The following PDXDC1 variants were observed in gnomAD, a reference collection of about 807,000 sequenced individuals.
PDXDC1 encodes pyridoxal-dependent decarboxylase domain-containing protein 1.
Under a neutral mutation model 100.1 loss-of-function variants are expected in PDXDC1, and 42 were observed. The ratio of observed to expected loss-of-function variants is 0.42; its 90% CI spans 0.33 to 0.54. The LOEUF (loss-of-function observed/expected upper bound fraction) is 0.54, where lower values mean the gene tolerates loss of function less well. Among genes scored for constraint, PDXDC1 ranks in the 20% least tolerant of loss-of-function variants. The probability of loss-of-function intolerance (pLI) is 0.10; values close to 1 mark genes in which losing one functional copy is unlikely to be tolerated. For missense variants in PDXDC1, 636 were observed against 979.2 expected (o/e 0.65, Z 4.68); for synonymous variants, 260 against 371.7 (o/e 0.70, Z 3.46).
chr16:15,074,911 T>G, intron 16 of PDXDC1: 7 of 1,538,084 alleles, frequency 4.6e-6, no homozygotes, highest in Non-Finnish European at 6.2e-6. Flanking sequence ...AATGTCAAAG[T>G]GGTTTAGTAG....
intron 6 of PDXDC1, among the ~76,000 whole-genome samples, chr16:15,007,032 T>A (rs949386662): frequency 6.6e-6 from 1 of 152,290 alleles, no homozygotes; most frequent in African/African-American, 2.4e-5. Context: ...TTTCAGGTAA[T>A]GTTCTTTGTG....
intron 16 of PDXDC1, chr16:15,094,248 G>A (rs1376587265): frequency 1.1e-5 from 17 of 1,555,372 alleles, no homozygotes; most frequent in Admixed American, 5.7e-5. Flanking sequence ...CCGAACTAAC[G>A]CGACCGCTGC....
At chr16:15,009,095 C>T (rs998514159) in intron 7 of PDXDC1, among the ~76,000 whole-genome samples, 8 of 152,290 alleles carry the variant, frequency 5.3e-5, no homozygotes, top group Non-Finnish European at 8.8e-5. Context: ...TAAGTAGAAA[C>T]ATGGCAGCTC....
intron 16 of PDXDC1, among the ~76,000 whole-genome samples, chr16:15,063,563 C>G (rs769137094): frequency 2.6e-5 from 4 of 151,828 alleles, no homozygotes; most frequent in Admixed American, 6.6e-5. Flanking sequence ...AAAAAATTAG[C>G]CGGGTGTGGT....
the PDXDC1 span, among the ~76,000 whole-genome samples, chr16:15,148,032 A>G: frequency 6.6e-6 from 1 of 150,584 alleles, no homozygotes; most frequent in East Asian, 2.0e-4. Context: ...CTAGTCACCC[A>G]GGCTGGAGTG....
chr16:15,041,404 C>T (rs927140408), downstream of PDXDC1, among the ~76,000 whole-genome samples: 1 of 152,050 alleles, frequency 6.6e-6, no homozygotes, highest in Admixed American at 6.5e-5. Context: ...CAGTGCCCTC[C>T]TTCCTGGTAG....
At chr16:15,046,850 G>C (rs1469448394) in intron 16 of PDXDC1, among the ~76,000 whole-genome samples, 2 of 151,974 alleles carry the variant, frequency 1.3e-5, no homozygotes, top group Non-Finnish European at 2.9e-5. Flanking sequence ...GCTCCAGACA[G>C]GGCGACACAG....
chr16:15,025,365 T>G (rs1597605034), intron 13 of PDXDC1: 1 of 152,482 alleles, frequency 6.6e-6, no homozygotes. Context: ...GTTGCCTTTT[T>G]GTTCCTCCTT....
chr16:15,041,212 T>G, downstream of PDXDC1: 5 of 881,252 alleles, frequency 5.7e-6, no homozygotes, highest in South Asian at 5.4e-5. Flanking sequence ...GAGGAGCTCC[T>G]CGATGCAGAA....
rs545939918 is a variant in PDXDC1 at position 15,125,616 on chromosome 16, C to A, written c.1400-13263C>A. 7.6e-6 allele frequency: 9 copies of A among 1,185,370 alleles called. No homozygotes were observed. In the African/African-American group the frequency reaches 1.0e-4, roughly 14 times the overall value. 73.4% of individuals were successfully genotyped at this position (1,185,370 alleles called of 1,614,324 possible). On this transcript the variant is annotated intron_variant, in intron 16 of 16. Transcript: ENST00000535621. ...CAGCAAAGGCCTGCTGAGAGGTGCA[C>A]AGTGTCTGGAGTCCAAGCTGCGCCA...
chr16:15,063,721 AAG>A (rs2044826174), intron 16 of PDXDC1, among the ~76,000 whole-genome samples: 1 of 150,744 alleles, frequency 6.6e-6, no homozygotes, highest in Non-Finnish European at 1.5e-5. Context: ...AAAAAAAAAA[AAG>A]AAAAAAACAA....
the PDXDC1 span, among the ~76,000 whole-genome samples, chr16:15,145,692 C>T: frequency 4.3e-4 from 66 of 152,260 alleles, no homozygotes; most frequent in Admixed American, 2.3e-3. Context: ...GCTGCCAAGC[C>T]ATGAAGAGCG....
At chr16:15,133,054 G>C in intron 16 of PDXDC1, 1 of 716,904 alleles carries the variant, frequency 1.4e-6, no homozygotes, top group Non-Finnish European at 2.3e-6. Context: ...GGCCCTCCTG[G>C]GCGGGGGCTG....
chr16:14,978,575 T>C (rs1967233637), intron 1 of PDXDC1, among the ~76,000 whole-genome samples: 1 of 152,270 alleles, frequency 6.6e-6, no homozygotes, highest in Non-Finnish European at 1.5e-5. Context: ...ATTTTTTTGT[T>C]CTCGAGACAA....
downstream of PDXDC1, among the ~76,000 whole-genome samples, chr16:15,038,983 T>C (rs12934778): frequency 0.78 from 118,404 of 152,066 alleles, 47,196 homozygotes; most frequent in Admixed American, 0.87. Context: ...TTTCCCAGGT[T>C]ACGTGTCCAG....
the PDXDC1 span, among the ~76,000 whole-genome samples, chr16:15,150,355 A>C: frequency 6.8e-6 from 1 of 147,844 alleles, no homozygotes; most frequent in Non-Finnish European, 1.5e-5. Flanking sequence ...AACAATAAAT[A>C]AATAAATAAA....
intron 16 of PDXDC1, among the ~76,000 whole-genome samples, chr16:15,118,566 AGAG>A (rs1250187183): frequency 6.9e-6 from 1 of 144,272 alleles, no homozygotes; most frequent in African/African-American, 2.6e-5. Flanking sequence ...GAATCTTCAG[AGAG>A]GAGATTGGAA....
intron 16 of PDXDC1, chr16:15,079,905 T>G: frequency 3.0e-6 from 4 of 1,342,020 alleles, no homozygotes; most frequent in Non-Finnish European, 4.1e-6. Context: ...CCAAGTGGAT[T>G]CTTTTCTATC....
At position 15,132,856 on chromosome 16, in the gene PDXDC1, G is replaced by A. The variant is rs1045446443; in HGVS notation, c.1400-6023G>A. On this transcript the variant is annotated intron_variant, in intron 16 of 16. Coordinates refer to the PDXDC1 transcript ENST00000535621. ...GCTCGTGCTTGGGCTCTGCCGCCACGTCCAGGGCCCGCTCGTACTGGGGCA... is the reference window on the plus strand; with the variant it reads ...GCTCGTGCTTGGGCTCTGCCGCCACATCCAGGGCCCGCTCGTACTGGGGCA... 875 of 1,587,572 alleles carry A rather than the reference G, an allele frequency of 5.5e-4. 3 individuals are homozygous for A. The highest frequency in any genetic ancestry group is 1.7e-4 in the Non-Finnish European group (196 of 1,172,152).
Sources: gnomAD v4.1 joint callset for allele counts (sites outside exome capture counted in the v4.1 genomes callset) on GRCh38, gnomAD v4.1.1 for gene constraint, MANE v1.5 for transcripts, NCBI Gene and HGNC (gene_info 2026-07-23, HGNC 2026-07-21) for gene names.